FILIP1: variants seen among roughly 807,000 people sequenced by gnomAD.
The protein encoded by FILIP1 is filamin-A-interacting protein 1.
In FILIP1, 61 loss-of-function variants were observed where a neutral mutation model predicts 102.1. The ratio of observed to expected loss-of-function variants is 0.60; its 90% CI spans 0.49 to 0.74. The LOEUF is 0.74. Among genes scored for constraint, FILIP1 ranks in the 30% least tolerant of loss-of-function variants. The pLI, the probability that FILIP1 is intolerant of heterozygous loss-of-function variation, is 0.00. For missense variants in FILIP1, 1,314 were observed against 1,441.2 expected, an observed-to-expected ratio of 0.91 and a Z score of 1.43; for synonymous variants, 491 against 526.9, an observed-to-expected ratio of 0.93 and a Z score of 0.93.
intron 1 of FILIP1, among the ~76,000 whole-genome samples, chr6:75,441,030 A>C (rs949923475): frequency 7.1e-6 from 1 of 140,728 alleles, no homozygotes; most frequent in African/African-American, 2.6e-5. Context: ...TTTCTCGCAG[A>C]GGGGGATTTG....
chr6:75,373,305 T>A (rs1271996811), intron 2 of FILIP1, among the ~76,000 whole-genome samples: 1 of 152,200 alleles, frequency 6.6e-6, no homozygotes, highest in African/African-American at 2.4e-5. Context: ...TGCTATTTTT[T>A]AATTAGTAGT....
chr6:75,419,141 A>G (rs1777366894), intron 1 of FILIP1, among the ~76,000 whole-genome samples: 1 of 152,188 alleles, frequency 6.6e-6, no homozygotes, highest in Non-Finnish European at 1.5e-5. Context: ...GAAAAGAAAA[A>G]AAAGGAAACA....
At chr6:75,449,492 A>T (rs1452111268) in intron 1 of FILIP1, among the ~76,000 whole-genome samples, 1 of 152,124 alleles carries the variant, frequency 6.6e-6, no homozygotes, top group Non-Finnish European at 1.5e-5. Context: ...AAAAAGAAAA[A>T]AAAGATAAAT....
chr6:75,400,168 T>C (rs984010714), intron 2 of FILIP1, among the ~76,000 whole-genome samples: 1 of 152,152 alleles, frequency 6.6e-6, no homozygotes, highest in Non-Finnish European at 1.5e-5. Context: ...CCTGTTTCCT[T>C]GGAACAGCCT....
chr6:75,371,434 C>T (rs1175256928), intron 2 of FILIP1, among the ~76,000 whole-genome samples: 1 of 152,096 alleles, frequency 6.6e-6, no homozygotes, highest in Non-Finnish European at 1.5e-5. Flanking sequence ...AATGTAAAAT[C>T]CTCAAAATCC....
chr6:75,477,844 A>G (rs1016694667), intron 1 of FILIP1, among the ~76,000 whole-genome samples: 3 of 152,190 alleles, frequency 2.0e-5, no homozygotes, highest in Admixed American at 2.0e-4. Context: ...CAAGGATATG[A>G]GAATATAATT....
At chr6:75,425,060 T>G (rs550431994) in intron 1 of FILIP1, among the ~76,000 whole-genome samples, 85 of 152,294 alleles carry the variant, frequency 5.6e-4, no homozygotes, top group African/African-American at 1.9e-3. Flanking sequence ...CTGAGATCCC[T>G]TGTCTTAGAT....
chr6:75,467,539 C>A (rs543340008), intron 1 of FILIP1, among the ~76,000 whole-genome samples: 2 of 152,322 alleles, frequency 1.3e-5, no homozygotes, highest in Admixed American at 6.5e-5. Flanking sequence ...GGCAGTCCTG[C>A]AAACTGGTCT....
intron 1 of FILIP1, among the ~76,000 whole-genome samples, chr6:75,429,012 T>TG (rs1777728010): frequency 6.6e-6 from 1 of 152,170 alleles, no homozygotes; most frequent in South Asian, 2.1e-4. Flanking sequence ...TATTACTCAC[T>TG]ATTACCTCTT....
chr6:75,312,757 G>C lies in FILIP1; in HGVS notation c.3075C>G (p.Pro1025=), dbSNP rs567751339. 71 of 1,614,168 alleles carry C rather than the reference G, an allele frequency of 4.4e-5. No homozygotes were observed. The South Asian group carries it at 7.0e-4, about 16-fold the overall frequency. Residue 1025 remains proline (P), a synonymous_variant, in exon 5 of 6, where the codon CCC becomes CCG. Coordinates refer to ENST00000237172, the MANE Select transcript of FILIP1 (RefSeq NM_015687.5). ...GTCCCATGGGCATTTCCTGGGATTC[G>C]GGAGAAACTGCAATCTCAGCTGGTG... is the stretch of plus-strand genomic sequence containing the variant. The part of the protein sequence containing the change: ...SAAPAEIAVS[P]ESQEMPMGRT...
In FILIP1 at chr6:75,468,877, G is replaced by A. The variant is rs1040784933; in HGVS notation, c.-7+24537C>T. Among the ~76,000 whole-genome samples, 3 of 152,004 alleles carry A rather than the reference G, an allele frequency of 2.0e-5. No individual in the cohort carries two copies. In the South Asian group the frequency reaches 6.2e-4, roughly 32 times the overall value. On this transcript the variant is annotated intron_variant, in intron 1 of 5. Coordinates refer to ENST00000237172, the MANE Select transcript of FILIP1 (RefSeq NM_015687.5). ...ACAAAATCTCTGATACAATTTTCTT[G>A]TTAACAAATGAATAAAATCAAAGGA...
chr6:75,451,643 C>T (rs1367409810), intron 1 of FILIP1, among the ~76,000 whole-genome samples: 1 of 151,974 alleles, frequency 6.6e-6, no homozygotes, highest in Non-Finnish European at 1.5e-5. Flanking sequence ...CCAGCCTAGC[C>T]AATATGGTGA....
At chr6:75,339,906 C>G (rs1025664466) in intron 4 of FILIP1, among the ~76,000 whole-genome samples, 1 of 152,228 alleles carries the variant, frequency 6.6e-6, no homozygotes, top group South Asian at 2.1e-4. Context: ...CGAGATCACA[C>G]CACTGCACTC....
intron 1 of FILIP1, among the ~76,000 whole-genome samples, chr6:75,423,701 ATTGGGCTATGAAGTT>A (rs1433003220): frequency 6.6e-6 from 1 of 152,106 alleles, no homozygotes; most frequent in Non-Finnish European, 1.5e-5. Context: ...AGTTGAACAA[ATTGGGCTATGAAGTT>A]TTGCCTCATC....
At position 75,414,992 on chromosome 6, in the gene FILIP1, A is replaced by G. The variant is rs926565593; in HGVS notation, c.-6-14T>C. The G allele has an allele frequency of 6.3e-7, 1 of 1,595,706 alleles. No homozygotes were observed. Among genetic ancestry groups the G allele is most frequent in the South Asian group, 1.1e-5 (1 of 87,576 alleles). ...TCTCATTCCCACCTACAACACATAC[A>G]TAAAAAAAGATAAGATGTTCTTTAC... On this transcript the variant is annotated splice_polypyrimidine_tract_variant and intron_variant, in intron 1 of 5. Coordinates refer to ENST00000237172, the MANE Select transcript of FILIP1 (RefSeq NM_015687.5).
intron 2 of FILIP1, among the ~76,000 whole-genome samples, chr6:75,399,560 C>A (rs1776585076): frequency 6.6e-6 from 1 of 152,092 alleles, no homozygotes; most frequent in African/African-American, 2.4e-5. Context: ...AATATGAAAA[C>A]AACGTGATGC....
intron 1 of FILIP1, among the ~76,000 whole-genome samples, chr6:75,449,628 C>T (rs1248033282): frequency 2.6e-5 from 4 of 152,022 alleles, no homozygotes; most frequent in Non-Finnish European, 4.4e-5. Context: ...TTTTTAAAGT[C>T]TAGGTAGCCT....
chr6:75,425,622 C>A (rs1176491465), intron 1 of FILIP1, among the ~76,000 whole-genome samples: 1 of 152,020 alleles, frequency 6.6e-6, no homozygotes, highest in Non-Finnish European at 1.5e-5. Context: ...TGCCATTAAC[C>A]CCAAGGAATC....
intron 2 of FILIP1, among the ~76,000 whole-genome samples, chr6:75,367,871 G>A (rs900144747): frequency 7.9e-5 from 12 of 152,130 alleles, no homozygotes; most frequent in African/African-American, 2.9e-4. Context: ...AGTTCAAAAT[G>A]TAAGAAAACT....
Sources: gnomAD v4.1 joint callset for allele counts (sites outside exome capture counted in the v4.1 genomes callset) on GRCh38, gnomAD v4.1.1 for gene constraint, MANE v1.5 for transcripts, NCBI Gene and HGNC (gene_info 2026-07-23, HGNC 2026-07-21) for gene names.